Variants in KHDRBS2 observed in about 807,000 individuals in gnomAD.
KHDRBS2 encodes KH domain-containing, RNA-binding, signal transduction-associated protein 2.
In KHDRBS2, 26 loss-of-function variants were observed where a neutral mutation model predicts 44.3. That is an observed-to-expected ratio of 0.59 (90% CI 0.43 to 0.81). KHDRBS2 has a LOEUF of 0.81. Ranked by LOEUF, KHDRBS2 falls within the 40% of genes least tolerant of loss-of-function variation. The pLI, the probability that KHDRBS2 is intolerant of heterozygous loss-of-function variation, is 0.00. For missense variants in KHDRBS2, 476 were observed against 433.1 expected (o/e 1.10, Z -0.88); for synonymous variants, 194 against 151.1 (o/e 1.28, Z -2.08).
chr6:62,057,355 A>G (rs1790527316), intron 2 of KHDRBS2, among the ~76,000 whole-genome samples: 2 of 150,258 alleles, frequency 1.3e-5, no homozygotes, highest in Non-Finnish European at 3.0e-5. Context: ...AAAGTATTAG[A>G]AAAAAAAAGT....
At position 61,926,885 on chromosome 6, in the gene KHDRBS2, T is replaced by C. The variant is rs866373123; in HGVS notation, c.484-25514A>G. 2.0e-5 allele frequency among the ~76,000 whole-genome samples: 3 copies of C among 151,730 alleles called. No homozygotes were observed. The Middle Eastern group carries it at 0.01, about 516-fold the overall frequency. Reference sequence around the variant, plus strand: ...ACACTGTTTTCCTGGATTTCTTAGTTAGGTTTTTTTTTTCAAGCTGTTCTC... The same window carrying C: ...ACACTGTTTTCCTGGATTTCTTAGTCAGGTTTTTTTTTTCAAGCTGTTCTC... On this transcript the variant is annotated intron_variant, in intron 4 of 8. Transcript: ENST00000281156.
intron 2 of KHDRBS2, among the ~76,000 whole-genome samples, chr6:62,088,200 T>A (rs1437750180): frequency 6.6e-6 from 1 of 152,200 alleles, no homozygotes; most frequent in Admixed American, 6.5e-5. Context: ...TACTGTCAAT[T>A]CGTCAAACTC....
At chr6:62,094,692 G>A (rs1365975084) in intron 2 of KHDRBS2, among the ~76,000 whole-genome samples, 4 of 151,804 alleles carry the variant, frequency 2.6e-5, no homozygotes, top group African/African-American at 9.7e-5. Flanking sequence ...TGTAGTTTCA[G>A]TTCTTATATT....
At chr6:62,209,203 A>C (rs546436651) in intron 1 of KHDRBS2, among the ~76,000 whole-genome samples, 171 of 152,348 alleles carry the variant, frequency 1.1e-3, no homozygotes, top group Middle Eastern at 6.8e-3. Context: ...TGACAGCATA[A>C]AGCAGTAAAT....
chr6:61,767,929 T>C (rs534730304), intron 6 of KHDRBS2, among the ~76,000 whole-genome samples: 1 of 152,298 alleles, frequency 6.6e-6, no homozygotes, highest in African/African-American at 2.4e-5. Flanking sequence ...TATGATGTTA[T>C]AATATTCTGT....
chr6:61,900,986 C>T (rs1157505350), intron 5 of KHDRBS2, among the ~76,000 whole-genome samples: 1 of 152,074 alleles, frequency 6.6e-6, no homozygotes, highest in Non-Finnish European at 1.5e-5. Context: ...TACGTGACCC[C>T]AGGTAAATTT....
chr6:61,952,640 AC>A (rs766436045), intron 4 of KHDRBS2, among the ~76,000 whole-genome samples: 90 of 152,004 alleles, frequency 5.9e-4, no homozygotes, highest in Non-Finnish European at 1.0e-3. Flanking sequence ...CCCTTACTCC[AC>A]TCACTGTAGC....
At chr6:62,158,717 C>T (rs1177724960) in intron 2 of KHDRBS2, among the ~76,000 whole-genome samples, 2 of 152,046 alleles carry the variant, frequency 1.3e-5, no homozygotes, top group Non-Finnish European at 2.9e-5. Context: ...ATAAATCTTA[C>T]CCTGATCTTA....
intron 6 of KHDRBS2, among the ~76,000 whole-genome samples, chr6:61,832,794 G>T (rs902868064): frequency 2.0e-5 from 3 of 152,166 alleles, no homozygotes; most frequent in African/African-American, 7.2e-5. Flanking sequence ...TAAGATACCT[G>T]TGAGATGGCA....
chr6:61,654,892 A>C, the KHDRBS2 span, among the ~76,000 whole-genome samples: 1 of 151,624 alleles, frequency 6.6e-6, no homozygotes, highest in Admixed American at 6.6e-5. Context: ...CAGGAGGCAA[A>C]GTGAATGTTG....
chr6:62,103,214 G>C (rs1362689165), intron 2 of KHDRBS2, among the ~76,000 whole-genome samples: 2 of 152,060 alleles, frequency 1.3e-5, no homozygotes, highest in Non-Finnish European at 2.9e-5. Context: ...ACTTGAAGAT[G>C]GGGTTTCACC....
At chr6:61,580,775 C>A in the KHDRBS2 span, among the ~76,000 whole-genome samples, 1 of 152,062 alleles carries the variant, frequency 6.6e-6, no homozygotes, top group Non-Finnish European at 1.5e-5. Flanking sequence ...CAGGGACCGA[C>A]CGGTCCGGAC....
At position 61,905,878 on chromosome 6, in the gene KHDRBS2, T is replaced by C. The variant is rs1804912124; in HGVS notation, c.484-4507A>G. 3.3e-5 allele frequency among the ~76,000 whole-genome samples: 4 copies of C among 121,834 alleles called. No homozygotes were observed. The Admixed American group carries it at 3.9e-4, about 12-fold the overall frequency. 79.9% of individuals were successfully genotyped at this position (121,834 alleles called of 152,430 possible). On this transcript the variant is annotated intron_variant, in intron 4 of 8. Coordinates refer to ENST00000281156, the MANE Select transcript of KHDRBS2 (RefSeq NM_152688.4). ...TCTTTTTTTTTTTTTTTTTTTGAGA[T>C]GGAGTCTCACTCTATCGCTCAGGCT...
At chr6:61,903,299 T>C (rs1256882018) in intron 4 of KHDRBS2, among the ~76,000 whole-genome samples, 2 of 152,034 alleles carry the variant, frequency 1.3e-5, no homozygotes, top group African/African-American at 2.4e-5. Flanking sequence ...GGAAAACACA[T>C]GGATACTCGG....
chr6:62,112,875 T>C (rs1382784433), intron 2 of KHDRBS2, among the ~76,000 whole-genome samples: 2 of 152,144 alleles, frequency 1.3e-5, no homozygotes, highest in African/African-American at 4.8e-5. Context: ...GGAATTATCA[T>C]GTAGGTGAAA....
intron 1 of KHDRBS2, among the ~76,000 whole-genome samples, chr6:62,191,673 A>G (rs1824648814): frequency 6.6e-6 from 1 of 152,086 alleles, no homozygotes; most frequent in Non-Finnish European, 1.5e-5. Flanking sequence ...GAAGAATATC[A>G]CTTGGTTTTT....
chr6:61,935,404 T>G (rs1384585924), intron 4 of KHDRBS2, among the ~76,000 whole-genome samples: 1 of 152,174 alleles, frequency 6.6e-6, no homozygotes, highest in Non-Finnish European at 1.5e-5. Flanking sequence ...AGCAAAGGCA[T>G]GAATCAGTGG....
intron 2 of KHDRBS2, among the ~76,000 whole-genome samples, chr6:62,172,208 C>T (rs1227959170): frequency 1.3e-5 from 2 of 152,014 alleles, no homozygotes; most frequent in Non-Finnish European, 2.9e-5. Flanking sequence ...CATCCATAGG[C>T]TCAAAGTAAT....
chr6:61,749,194 T>C (rs1260554790), intron 6 of KHDRBS2, among the ~76,000 whole-genome samples: 2 of 151,752 alleles, frequency 1.3e-5, no homozygotes, highest in Non-Finnish European at 2.9e-5. Flanking sequence ...TTTGTATTTT[T>C]AGTAGAGATG....
Sources: gnomAD v4.1 joint callset for allele counts (sites outside exome capture counted in the v4.1 genomes callset) on GRCh38, gnomAD v4.1.1 for gene constraint, MANE v1.5 for transcripts, NCBI Gene and HGNC (gene_info 2026-07-23, HGNC 2026-07-21) for gene names.